Variants in GNAT3 observed in about 807,000 individuals in gnomAD.
GNAT3 encodes the protein guanine nucleotide-binding protein G(t) subunit alpha-3.
A neutral mutation model predicts 37.7 loss-of-function variants in GNAT3; 31 were observed. The ratio of observed to expected loss-of-function variants is 0.82; its 90% CI spans 0.62 to 1.11. The LOEUF (loss-of-function observed/expected upper bound fraction) is 1.11, where lower values mean the gene tolerates loss of function less well. GNAT3 is among the 50% of genes most tolerant of loss of function. The pLI is 0.00. For missense variants in GNAT3, 437 were observed against 412.5 expected, an observed-to-expected ratio of 1.06 and a Z score of -0.51; for synonymous variants, 138 against 139.8, an observed-to-expected ratio of 0.99 and a Z score of 0.09.
chr7:80,488,441 G>T (rs1584184858), intron 3 of GNAT3, 94 bp downstream of exon 3: 1 of 855,760 alleles, frequency 1.2e-6, no homozygotes, highest in East Asian at 2.8e-5. Flanking sequence ...TTAAATTTTG[G>T]ATATAGATTA....
At position 80,458,780 on chromosome 7, in the gene GNAT3, A is replaced by G; in HGVS notation, c.956T>C (p.Ile319Thr). The G allele has an allele frequency of 6.3e-7, 1 of 1,597,906 alleles. No homozygotes were observed. The highest frequency in any genetic ancestry group is 8.5e-7 in the Non-Finnish European group (1 of 1,171,400). ...AGTAGCACAGGTCATGTGGGAATAA[A>G]TTTCCTTATCTTCTTTTTTTAAATT... ...DLNLKKEDKE[I>T]YSHMTCATDT... The change falls in exon 8 of 8, where the codon ATT becomes ACT. Residue 319 changes from isoleucine to threonine, a missense_variant. Ile to Thr is a moderately conservative substitution (Grantham distance 89). Transcript: ENST00000398291.
intron 2 of GNAT3, among the ~76,000 whole-genome samples, chr7:80,489,212 C>T (rs576789366): frequency 1.3e-5 from 2 of 152,140 alleles, no homozygotes; most frequent in South Asian, 2.1e-4. Flanking sequence ...CATCTGTGTA[C>T]GTGCCACTGA....
At chr7:80,493,639 C>G (rs1170341676) in intron 2 of GNAT3, among the ~76,000 whole-genome samples, 4 of 97,060 alleles carry the variant, frequency 4.1e-5, no homozygotes, top group African/African-American at 2.9e-4. Context: ...CCTCCTCTTT[C>G]CTCCTCCTCC....
At chr7:80,504,036 C>G (rs1256656107) in intron 1 of GNAT3, among the ~76,000 whole-genome samples, 1 of 152,284 alleles carries the variant, frequency 6.6e-6, no homozygotes, top group Non-Finnish European at 1.5e-5. Flanking sequence ...AAAGTTATCG[C>G]TCAGGGTGGA....
chr7:80,498,993 A>C (rs2116217826), intron 1 of GNAT3, among the ~76,000 whole-genome samples: 1 of 152,300 alleles, frequency 6.6e-6, no homozygotes, highest in Middle Eastern at 3.4e-3. Context: ...AATTGAACAC[A>C]CACAAGGCTT....
rs192744303 is a variant in GNAT3, at chr7:80,491,882, G to T, written c.161+2723C>A. Among the ~76,000 whole-genome samples the T allele has an allele frequency of 4.5e-3, 688 of 152,196 alleles. 3 individuals carry two copies. Among genetic ancestry groups the T allele is most frequent in the Non-Finnish European group, 6.1e-3 (414 of 67,980 alleles). ...AACTTGCTCTTTTTAAATAATAAAAGAAGTGCTCATTGTAGAAAATGTGAA... is the reference window on the plus strand; with the variant it reads ...AACTTGCTCTTTTTAAATAATAAAATAAGTGCTCATTGTAGAAAATGTGAA... On this transcript the variant is annotated intron_variant, in intron 2 of 7. Transcript: ENST00000398291.
intron 1 of GNAT3, among the ~76,000 whole-genome samples, chr7:80,505,989 T>C (rs1790932951): frequency 6.6e-6 from 1 of 152,202 alleles, no homozygotes; most frequent in Admixed American, 6.5e-5. Flanking sequence ...TTGGGTCTAA[T>C]ACCTTAAACG....
intron 5 of GNAT3, among the ~76,000 whole-genome samples, chr7:80,464,691 C>G (rs183160027): frequency 1.3e-5 from 2 of 152,040 alleles, no homozygotes; most frequent in East Asian, 3.9e-4. Flanking sequence ...ACAGACTTCA[C>G]GGGTAATAGT....
At chr7:80,495,093 G>A (rs1190382458) in intron 1 of GNAT3, among the ~76,000 whole-genome samples, 1 of 151,926 alleles carries the variant, frequency 6.6e-6, no homozygotes, top group East Asian at 1.9e-4. Flanking sequence ...TGGCTGAGTA[G>A]TATTCAATTA....
intron 1 of GNAT3, among the ~76,000 whole-genome samples, chr7:80,497,552 G>GTACA (rs1790740235): frequency 1.1e-4 from 14 of 130,178 alleles, no homozygotes; most frequent in African/African-American, 3.9e-4. Context: ...ACACATATAC[G>GTACA]TATATACATA....
chr7:80,478,776 G>T, intron 4 of GNAT3, 65 bp downstream of exon 4: 1 of 1,466,928 alleles, frequency 6.8e-7, no homozygotes, highest in Non-Finnish European at 9.4e-7. Context: ...TGCAAAGTAT[G>T]CAGAATTATA....
intron 1 of GNAT3, among the ~76,000 whole-genome samples, chr7:80,505,591 C>T (rs1790921684): frequency 6.6e-6 from 1 of 152,172 alleles, no homozygotes; most frequent in Non-Finnish European, 1.5e-5. Flanking sequence ...TGGTCTCGAT[C>T]TCCTGACCTT....
intron 2 of GNAT3, among the ~76,000 whole-genome samples, chr7:80,492,975 T>G (rs2116201735): frequency 6.6e-6 from 1 of 152,170 alleles, no homozygotes; most frequent in Middle Eastern, 3.4e-3. Flanking sequence ...TCATAGCCTA[T>G]CCCCATTTAT....
At chr7:80,480,933 C>T (rs576602059) in intron 3 of GNAT3, among the ~76,000 whole-genome samples, 1 of 152,242 alleles carries the variant, frequency 6.6e-6, no homozygotes, top group African/African-American at 2.4e-5. Context: ...TCTCATTTTC[C>T]TCAGCTCCTA....
intron 5 of GNAT3, among the ~76,000 whole-genome samples, chr7:80,468,485 A>G (rs1790159350): frequency 6.6e-6 from 1 of 152,022 alleles, no homozygotes; most frequent in South Asian, 2.1e-4. Flanking sequence ...ATAAAACTCA[A>G]TCTGAGTAGG....
intron 1 of GNAT3, among the ~76,000 whole-genome samples, chr7:80,510,491 T>A (rs1049446605): frequency 6.6e-6 from 1 of 152,218 alleles, no homozygotes; most frequent in African/African-American, 2.4e-5. Flanking sequence ...GTAAGAATGC[T>A]TGTCTTTCCC....
intron 7 of GNAT3, among the ~76,000 whole-genome samples, chr7:80,461,188 G>T (rs1290926076): frequency 6.6e-6 from 1 of 152,022 alleles, no homozygotes; most frequent in African/African-American, 2.4e-5. Flanking sequence ...AAAATGCCAT[G>T]GTCCTAGTAA....
At chr7:80,466,917 C>T (rs976987364) in intron 5 of GNAT3, among the ~76,000 whole-genome samples, 9 of 152,048 alleles carry the variant, frequency 5.9e-5, no homozygotes, top group Non-Finnish European at 2.9e-5. Context: ...TAATACCTTA[C>T]GGTTGAATAA....
In GNAT3 at chr7:80,511,991, G is replaced by A. The variant is rs1217419793; in HGVS notation, c.-65C>T. The A allele has an allele frequency of 6.2e-6, 7 of 1,137,996 alleles. No individual in the cohort carries two copies. The highest frequency in any genetic ancestry group is 9.1e-6 in the Non-Finnish European group (7 of 771,200). 70.5% of individuals were successfully genotyped at this position (1,137,996 alleles called of 1,614,324 possible). On this transcript the variant is annotated 5_prime_UTR_variant, in exon 1 of 8. Transcript: ENST00000398291. ...TTTTCAAATGTTGAGCACAGCTGTG[G>A]TTTGGACATAGGAGGCAAGAGTAAT...
Sources: allele counts gnomAD v4.1 joint callset (sites outside exome capture counted in the v4.1 genomes callset), GRCh38; gene constraint gnomAD v4.1.1; transcripts MANE v1.5; gene names NCBI Gene and HGNC (gene_info 2026-07-23, HGNC 2026-07-21).